Variants in MBD5 observed in about 807,000 individuals in gnomAD.
The protein encoded by MBD5 is methyl-CpG binding domain protein 5.
In MBD5, 13 loss-of-function variants were observed where a neutral mutation model predicts 117.3. The ratio of observed to expected loss-of-function variants is 0.11; its 90% CI spans 0.07 to 0.18. The LOEUF (loss-of-function observed/expected upper bound fraction) is 0.18. MBD5 is among the 10% of genes least tolerant of loss of function. MBD5 has a pLI of 1.00. For missense variants in MBD5, 1,879 were observed against 2,093.8 expected (o/e 0.90, Z 2.00); for synonymous variants, 727 against 766.4 (o/e 0.95, Z 0.85).
rs548010500 is a variant in MBD5 at position 148,318,056 on chromosome 2, A to G, written c.-679-24158A>G. Reference sequence around the variant, plus strand: ...ACCAATTTCCATAAAGGTTGTACTAATTTACATTCCTACCAATGGTGTATA... The same window carrying G: ...ACCAATTTCCATAAAGGTTGTACTAGTTTACATTCCTACCAATGGTGTATA... On this transcript the variant is annotated intron_variant, in intron 3 of 13. Coordinates refer to ENST00000642680, the MANE Select transcript of MBD5 (RefSeq NM_001378120.1). Among the ~76,000 whole-genome samples the G allele has an allele frequency of 9.2e-5, 14 of 152,244 alleles. No homozygotes were observed. In the East Asian group the frequency reaches 2.5e-3, roughly 27 times the overall value.
chr2:148,063,974 T>C (rs997900586), intron 1 of MBD5, among the ~76,000 whole-genome samples: 1 of 152,030 alleles, frequency 6.6e-6, no homozygotes, highest in Non-Finnish European at 1.5e-5. Flanking sequence ...AGATTGAAGA[T>C]TGATAATATG....
At chr2:148,461,146 T>C (rs1707063066) in intron 5 of MBD5, among the ~76,000 whole-genome samples, 1 of 152,172 alleles carries the variant, frequency 6.6e-6, no homozygotes, top group Non-Finnish European at 1.5e-5. Context: ...TTGGCCAGGC[T>C]GGTCTCAAAT....
Position 148,515,625 on chromosome 2 carries a change from G to T in MBD5, c.*2684G>T, listed in dbSNP as rs1478827114. ...ATTCATTTTTTTAAATGAAGGCTAGGCCTTCTATGTTACCAAAATTTTTAT... is the reference window on the plus strand; with the variant it reads ...ATTCATTTTTTTAAATGAAGGCTAGTCCTTCTATGTTACCAAAATTTTTAT... On this transcript the variant is annotated 3_prime_UTR_variant, in exon 14 of 14. Transcript: ENST00000642680. 6.6e-6 allele frequency: 1 copy of T among 152,068 alleles called. No homozygotes were observed. Among genetic ancestry groups the T allele is most frequent in the East Asian group, 1.9e-4 (1 of 5,200 alleles). 9.4% of individuals were successfully genotyped at this position (152,068 alleles called of 1,614,324 possible).
chr2:148,150,681 G>A lies in MBD5; in HGVS notation c.-924-28019G>A, dbSNP rs551058500. Among the ~76,000 whole-genome samples the A allele has an allele frequency of 7.2e-3, 1,093 of 151,968 alleles. 11 individuals are homozygous for A. Among genetic ancestry groups the A allele is most frequent in the African/African-American group, 0.025 (1,020 of 41,480 alleles). On this transcript the variant is annotated intron_variant, in intron 1 of 13. Coordinates refer to ENST00000642680, the MANE Select transcript of MBD5 (RefSeq NM_001378120.1). Reference sequence around the variant, plus strand: ...CATCCCTTGTAAGTTGGATTCCTAGGTATTTTATTCTCTTTGAAGCAATTG... The same window carrying A: ...CATCCCTTGTAAGTTGGATTCCTAGATATTTTATTCTCTTTGAAGCAATTG...
chr2:148,149,821 T>C (rs1385889372), intron 1 of MBD5, among the ~76,000 whole-genome samples: 1 of 151,564 alleles, frequency 6.6e-6, no homozygotes, highest in East Asian at 1.9e-4. Flanking sequence ...TTTGAGTTCA[T>C]TGTAGATCCT....
intron 3 of MBD5, among the ~76,000 whole-genome samples, chr2:148,254,280 A>G (rs925023775): frequency 2.6e-5 from 4 of 152,196 alleles, no homozygotes; most frequent in Admixed American, 1.3e-4. Context: ...TGTGTTCCTA[A>G]AAGGGCACAG....
At chr2:148,125,160 T>C (rs1160756495) in intron 1 of MBD5, among the ~76,000 whole-genome samples, 5 of 152,058 alleles carry the variant, frequency 3.3e-5, no homozygotes, top group Non-Finnish European at 7.4e-5. Context: ...CATGTAGACG[T>C]GAGGAAAATA....
At chr2:148,410,829 G>A (rs552997837) in intron 4 of MBD5, among the ~76,000 whole-genome samples, 1 of 152,228 alleles carries the variant, frequency 6.6e-6, no homozygotes, top group African/African-American at 2.4e-5. Flanking sequence ...GTTTTTTTAT[G>A]ATTCTTTTGC....
intron 2 of MBD5, among the ~76,000 whole-genome samples, chr2:148,203,502 GTTCTTC>G (rs1315614448): frequency 6.6e-6 from 1 of 152,014 alleles, no homozygotes; most frequent in Admixed American, 6.6e-5. Context: ...TATTACTACT[GTTCTTC>G]TTCTGTTGCT....
intron 2 of MBD5, among the ~76,000 whole-genome samples, chr2:148,218,851 CTGAG>C (rs1290645152): frequency 1.3e-5 from 2 of 152,142 alleles, no homozygotes; most frequent in African/African-American, 4.8e-5. Context: ...GGAAGTTGCT[CTGAG>C]TGAGTCAGTG....
chr2:148,389,779 T>C (rs539427717), intron 4 of MBD5, among the ~76,000 whole-genome samples: 6 of 152,288 alleles, frequency 3.9e-5, no homozygotes, highest in Admixed American at 2.0e-4. Flanking sequence ...TTAATGGAGT[T>C]ATTCACTTTT....
At chr2:148,253,053 T>C (rs1353382721) in intron 3 of MBD5, among the ~76,000 whole-genome samples, 1 of 152,068 alleles carries the variant, frequency 6.6e-6, no homozygotes, top group East Asian at 1.9e-4. Context: ...GAGGAGATTA[T>C]TGGGGTTTGG....
intron 3 of MBD5, among the ~76,000 whole-genome samples, chr2:148,324,651 A>G (rs1702391982): frequency 6.6e-6 from 1 of 151,998 alleles, no homozygotes; most frequent in South Asian, 2.1e-4. Context: ...TTGTTGGTGT[A>G]TAAGAATGCT....
intron 11 of MBD5, among the ~76,000 whole-genome samples, chr2:148,494,251 A>G (rs894313923): frequency 2.6e-5 from 4 of 152,222 alleles, no homozygotes; most frequent in Non-Finnish European, 5.9e-5. Flanking sequence ...ATTACAGTCA[A>G]TGAATGAAAT....
chr2:148,238,878 A>G (rs1214985207), intron 3 of MBD5, among the ~76,000 whole-genome samples: 1 of 152,044 alleles, frequency 6.6e-6, no homozygotes, highest in African/African-American at 2.4e-5. Context: ...ATTCAGTACG[A>G]CCTCATCTTA....
chr2:148,484,228 T>C (rs939873072), intron 9 of MBD5, 93 bp downstream of exon 9: 2 of 1,116,326 alleles, frequency 1.8e-6, no homozygotes, highest in Non-Finnish European at 2.4e-6. Flanking sequence ...TCACACTATT[T>C]TTAAAAATGT....
chr2:148,046,160 T>A (rs1201760355), intron 1 of MBD5, among the ~76,000 whole-genome samples: 1 of 151,934 alleles, frequency 6.6e-6, no homozygotes, highest in Non-Finnish European at 1.5e-5. Flanking sequence ...ATTTTTGTAT[T>A]TTTAGTAGAG....
At chr2:148,303,885 A>C (rs1209463077) in intron 3 of MBD5, among the ~76,000 whole-genome samples, 8 of 152,214 alleles carry the variant, frequency 5.3e-5, no homozygotes, top group Admixed American at 4.6e-4. Context: ...ATTAGGTGTC[A>C]GAAACACTTG....
chr2:148,298,789 A>G (rs1030963126), intron 3 of MBD5, among the ~76,000 whole-genome samples: 11 of 152,230 alleles, frequency 7.2e-5, no homozygotes, highest in Non-Finnish European at 1.5e-5. Flanking sequence ...GCATCCTCAT[A>G]TATCAATATT....
Sources: allele counts gnomAD v4.1 joint callset (sites outside exome capture counted in the v4.1 genomes callset), GRCh38; gene constraint gnomAD v4.1.1; transcripts MANE v1.5; gene names NCBI Gene and HGNC (gene_info 2026-07-23, HGNC 2026-07-21).